The following SMARCA4 variants were observed in gnomAD, a reference collection of about 807,000 sequenced individuals.
SMARCA4 encodes SWI/SNF-related matrix-associated actin-dependent regulator of chromatin subfamily A member 4.
In SMARCA4, 31 loss-of-function variants were observed where a neutral mutation model predicts 193.9. The observed-to-expected ratio is 0.16, with a 90% CI of 0.12 to 0.22. The LOEUF (loss-of-function observed/expected upper bound fraction) is 0.22, where lower values mean the gene tolerates loss of function less well. Among genes scored for constraint, SMARCA4 ranks in the 10% least tolerant of loss-of-function variants. SMARCA4 has a pLI of 1.00. For missense variants in SMARCA4, 1,148 were observed against 2,296.0 expected (o/e 0.50, Z 10.22); for synonymous variants, 942 against 933.1 (o/e 1.01, Z -0.17).
chr19:11,056,367 A>G (rs1296689309), intron 30 of SMARCA4: 2 of 152,228 alleles, frequency 1.3e-5, no homozygotes, highest in Non-Finnish European at 2.9e-5. Context: ...CACGATGGGA[A>G]TGCAGTCTGA....
At chr19:10,965,165 C>G (rs1428319977) in intron 1 of SMARCA4, 2 of 152,418 alleles carry the variant, frequency 1.3e-5, no homozygotes, top group East Asian at 1.9e-4. Context: ...ATGTGGCGAA[C>G]AAGCATGCAT....
Position 10,996,522 on chromosome 19 carries a change from C to T in SMARCA4, c.1790C>T (p.Pro597Leu), listed in dbSNP as rs2145981070. Reference protein sequence around the residue: ...KKAENAEGQTPAIGPDGEPLD... With the variant: ...KKAENAEGQTLAIGPDGEPLD... ...GCAGAAAATGCAGAAGGACAGACGC[C>T]TGCCATTGGGCCGGATGGCGAGGTG... Residue 597 changes from proline (P) to leucine (L), a missense_variant, in exon 11 of 35, where the codon CCT becomes CTT. This residue lies in a region of SMARCA4 where 115 missense variants were observed against 175.1 expected (regional missense o/e 0.66). Coordinates refer to ENST00000344626, the MANE Select transcript of SMARCA4 (RefSeq NM_003072.5). 1 of 1,614,240 alleles carries T rather than the reference C, an allele frequency of 6.2e-7. No individual in the cohort carries two copies. The highest frequency in any genetic ancestry group is 8.5e-7 in the Non-Finnish European group (1 of 1,180,034).
rs367972640 is a variant in SMARCA4, at chr19:11,023,282, C to T, written c.2860-236C>T. On this transcript the variant is annotated intron_variant, in intron 19 of 34. Coordinates refer to ENST00000344626, the MANE Select transcript of SMARCA4 (RefSeq NM_003072.5). Reference sequence around the variant, plus strand: ...AGGGAGCAGAGTGCTCTGGGTACTGCGGTTCCATGTCCCAGGAATTACATG... The same window carrying T: ...AGGGAGCAGAGTGCTCTGGGTACTGTGGTTCCATGTCCCAGGAATTACATG... Among the ~76,000 whole-genome samples the T allele has an allele frequency of 2.3e-3, 350 of 152,286 alleles. 9 individuals are homozygous for T. The South Asian group carries it at 0.051, about 22-fold the overall frequency.
intron 16 of SMARCA4, among the ~76,000 whole-genome samples, chr19:11,017,365 C>G (rs192360374): frequency 8.9e-4 from 136 of 152,392 alleles, no homozygotes; most frequent in Non-Finnish European, 1.2e-3. Flanking sequence ...ACCTTCTTCC[C>G]CTACTTCAGT....
chr19:11,010,622 G>T, intron 15 of SMARCA4, 91 bp downstream of exon 15: 1 of 1,267,310 alleles, frequency 7.9e-7, no homozygotes. Context: ...AGGCAGACCT[G>T]AGTTCACCTT....
intron 23 of SMARCA4, 69 bp downstream of exon 23, chr19:11,026,415 C>T (rs1358026530): frequency 6.0e-6 from 7 of 1,167,028 alleles, no homozygotes; most frequent in African/African-American, 4.5e-5. Context: ...GTTTTGTTGG[C>T]TTTATTGCTG....
Position 11,035,192 on chromosome 19 carries a change from C to T in SMARCA4, c.4170+60C>T, listed in dbSNP as rs1297209667. On this transcript the variant is annotated intron_variant, in intron 29 of 34. Coordinates refer to ENST00000344626, the MANE Select transcript of SMARCA4 (RefSeq NM_003072.5). ...CCAGCGCCAGGCAGGGCTGGGGAGA[C>T]AAAGGGCCCACCGCCAGGACTCAGG... 4 of 1,482,482 alleles carry T rather than the reference C, an allele frequency of 2.7e-6. No homozygotes were observed. The Admixed American group carries it at 5.6e-5, about 21-fold the overall frequency. 91.8% of individuals were successfully genotyped at this position (1,482,482 alleles called of 1,614,324 possible).
At chr19:10,994,470 G>GC (rs1179767024) in intron 8 of SMARCA4, among the ~76,000 whole-genome samples, 1 of 151,424 alleles carries the variant, frequency 6.6e-6, no homozygotes, top group Non-Finnish European at 1.5e-5. Context: ...ACTACAGGCG[G>GC]CCCCTCACCA....
intron 30 of SMARCA4, among the ~76,000 whole-genome samples, chr19:11,053,168 AGGCG>A (rs1323149252): frequency 6.6e-6 from 1 of 152,044 alleles, no homozygotes; most frequent in Non-Finnish European, 1.5e-5. Flanking sequence ...TGGGAGGCCG[AGGCG>A]GGCGGATCAC....
intron 8 of SMARCA4, among the ~76,000 whole-genome samples, chr19:10,994,196 C>A (rs1355129796): frequency 6.6e-6 from 1 of 151,576 alleles, no homozygotes; most frequent in Non-Finnish European, 1.5e-5. Flanking sequence ...TGTGCCACCA[C>A]ACCTGGCTAA....
intron 11 of SMARCA4, among the ~76,000 whole-genome samples, chr19:10,997,281 C>G (rs1568445823): frequency 1.3e-5 from 2 of 152,164 alleles, no homozygotes; most frequent in Admixed American, 1.3e-4. Flanking sequence ...TCACTGCAAG[C>G]TCCGCCTCCT....
rs1568523387 is a variant in SMARCA4, at chr19:11,039,553, GGT to G, written c.4171-1752_4171-1751del. The G allele has an allele frequency of 3.1e-6, 5 of 1,589,200 alleles. No homozygotes were observed. The highest frequency in any genetic ancestry group is 1.7e-4 in the Middle Eastern group (1 of 5,870). On this transcript the variant is annotated intron_variant, in intron 29 of 34. Transcript: ENST00000344626. The stretch of plus-strand genomic sequence containing the variant: ...TTCAGTTCTGCACACGTGCGTCAAA[GGT>G]GGGGAGAGTTCTGGTGGTGGGTGGC...
At chr19:11,046,414 G>A (rs2075921049) in intron 30 of SMARCA4, among the ~76,000 whole-genome samples, 1 of 152,158 alleles carries the variant, frequency 6.6e-6, no homozygotes, top group Admixed American at 6.5e-5. Context: ...CTCAGTGGGG[G>A]ATTTGATCTG....
intron 24 of SMARCA4, among the ~76,000 whole-genome samples, chr19:11,029,280 CTG>C (rs1322023032): frequency 6.6e-6 from 1 of 152,272 alleles, no homozygotes; most frequent in Non-Finnish European, 1.5e-5. Context: ...GCCATCCCGT[CTG>C]TGTCGTGTCC....
rs112575888 is a variant in SMARCA4 at position 10,977,303 on chromosome 19, C to T, written c.-31-6818C>T. Among the ~76,000 whole-genome samples the T allele has an allele frequency of 3.7e-3, 561 of 152,086 alleles. 7 individuals carry two copies. Among genetic ancestry groups the T allele is most frequent in the African/African-American group, 0.013 (521 of 41,518 alleles). ...TTTGTGCTGGGGGGAGGCTGCGTTACGGACTCGAGTTTTTTTTTGTTTTGT... is the reference window on the plus strand; with the variant it reads ...TTTGTGCTGGGGGGAGGCTGCGTTATGGACTCGAGTTTTTTTTTGTTTTGT... On this transcript the variant is annotated intron_variant, in intron 1 of 34. Transcript: ENST00000344626.
rs368761916 is a variant in SMARCA4, at chr19:10,985,416, G to A, written c.355+11G>A. On this transcript the variant is annotated intron_variant, in intron 3 of 34. Coordinates refer to ENST00000344626, the MANE Select transcript of SMARCA4 (RefSeq NM_003072.5). The surrounding 1 kb of genome is among the most constrained non-coding windows in gnomAD (Gnocchi z 4.5). The stretch of plus-strand genomic sequence containing the variant: ...ACCAGCACTCCCAAGGTACAGAACT[G>A]CGTTCCTTCCTGCCTTGTGTTTGTC... The A allele has an allele frequency of 6.0e-5, 97 of 1,613,440 alleles. 1 individual carries two copies. The African/African-American group carries it at 1.1e-3, about 19-fold the overall frequency.
At chr19:10,996,816 C>T (rs967693145) in intron 11 of SMARCA4, among the ~76,000 whole-genome samples, 3 of 152,134 alleles carry the variant, frequency 2.0e-5, no homozygotes, top group Non-Finnish European at 4.4e-5. Flanking sequence ...GTGCAAGAAC[C>T]GTCCAGAGAT....
chr19:10,967,725 C>A (rs1008534648), intron 1 of SMARCA4, among the ~76,000 whole-genome samples: 3 of 140,468 alleles, frequency 2.1e-5, no homozygotes, highest in Non-Finnish European at 4.6e-5. Context: ...ACTCTTTTCT[C>A]CCAGGCTGGA....
At chr19:10,964,856 T>G (rs2084089945) in intron 1 of SMARCA4, among the ~76,000 whole-genome samples, 1 of 151,984 alleles carries the variant, frequency 6.6e-6, no homozygotes, top group Non-Finnish European at 1.5e-5. Flanking sequence ...CCTGGCCTCC[T>G]GTAATCTGCC....
Sources: allele counts gnomAD v4.1 joint callset (sites outside exome capture counted in the v4.1 genomes callset), GRCh38; gene constraint gnomAD v4.1.1; regional missense constraint gnomAD v4.1.1; non-coding constraint Gnocchi (gnomAD v3.1); transcripts MANE v1.5; gene names NCBI Gene and HGNC (gene_info 2026-07-23, HGNC 2026-07-21).